Variants in RBM33 observed in about 807,000 individuals in gnomAD.
RBM33 encodes RNA-binding protein 33.
RBM33 carries 28 observed loss-of-function variants against 132.6 expected under a neutral mutation model. That is an observed-to-expected ratio of 0.21 (90% CI 0.16 to 0.29). The LOEUF (loss-of-function observed/expected upper bound fraction) is 0.29. RBM33 is among the 10% of genes least tolerant of loss of function. The probability of loss-of-function intolerance (pLI) is 1.00; values close to 1 mark genes in which losing one functional copy is unlikely to be tolerated. For missense variants in RBM33, 1,291 were observed against 1,518.5 expected, an observed-to-expected ratio of 0.85 and a Z score of 2.49; for synonymous variants, 634 against 593.0, an observed-to-expected ratio of 1.07 and a Z score of -1.01.
At chr7:155,697,213 C>T (rs1799818310) in intron 5 of RBM33, among the ~76,000 whole-genome samples, 1 of 151,906 alleles carries the variant, frequency 6.6e-6, no homozygotes, top group African/African-American at 2.4e-5. Flanking sequence ...GGAGTATCTC[C>T]ATAGATTTGG....
intron 14 of RBM33, among the ~76,000 whole-genome samples, chr7:155,754,865 T>C (rs1801797691): frequency 6.6e-6 from 1 of 152,250 alleles, no homozygotes; most frequent in South Asian, 2.1e-4. Flanking sequence ...GATTTGGTTT[T>C]AATTCTGCCT....
At chr7:155,764,116 G>A in intron 15 of RBM33, 98 bp downstream of exon 15, 1 of 901,936 alleles carries the variant, frequency 1.1e-6, no homozygotes, top group Non-Finnish European at 1.6e-6. Context: ...GCACACAGTA[G>A]TACTCACATT....
chr7:155,764,156 G>C, intron 15 of RBM33, 138 bp downstream of exon 15: 1 of 749,860 alleles, frequency 1.3e-6, no homozygotes, highest in Non-Finnish European at 2.1e-6. Flanking sequence ...CCTTTGTTCT[G>C]GCTTTGAAAA....
chr7:155,686,961 G>A (rs191008080), intron 5 of RBM33, among the ~76,000 whole-genome samples: 2 of 152,286 alleles, frequency 1.3e-5, no homozygotes, highest in Non-Finnish European at 2.9e-5. Context: ...TGTCTTTATA[G>A]CAGCATGATT....
chr7:155,747,678 C>A (rs567558527), intron 14 of RBM33, among the ~76,000 whole-genome samples: 2 of 152,278 alleles, frequency 1.3e-5, no homozygotes, highest in South Asian at 4.2e-4. Flanking sequence ...AGCTGTCAAA[C>A]CAGTACTTTG....
Position 155,774,653 on chromosome 7 carries a change from C to T in RBM33, c.3464+6C>T. On this transcript the variant is annotated splice_donor_region_variant and intron_variant, in intron 17 of 17. Transcript: ENST00000401878. This position sits in a 1 kb window ranked among gnomAD's most constrained non-coding sequence, Gnocchi z 4.2. ...TTTCAGCAGAAATTCCACAGGTGAC[C>T]AGTGTGTTCTGTGCTTGTGGTGATA... 1 of 1,611,628 alleles carries T rather than the reference C, an allele frequency of 6.2e-7. No individual in the cohort carries two copies. The highest frequency in any genetic ancestry group is 8.5e-7 in the Non-Finnish European group (1 of 1,177,764).
intron 3 of RBM33, among the ~76,000 whole-genome samples, chr7:155,673,754 ACGCG>A (rs145463119): frequency 6.5e-5 from 4 of 61,368 alleles, no homozygotes; most frequent in South Asian, 7.4e-4. Context: ...ACGTGTATAT[ACGCG>A]CGCATGCGCG....
At chr7:155,676,734 A>ATG (rs1799194725) in intron 3 of RBM33, among the ~76,000 whole-genome samples, 1 of 152,086 alleles carries the variant, frequency 6.6e-6, no homozygotes, top group South Asian at 2.1e-4. Flanking sequence ...GTTCTTTAGG[A>ATG]TGTGTTGAAA....
chr7:155,767,403 A>G (rs969442328), intron 16 of RBM33, among the ~76,000 whole-genome samples: 6 of 152,254 alleles, frequency 3.9e-5, no homozygotes, highest in African/African-American at 1.4e-4. Context: ...CACTTTGGAA[A>G]TAAGACATTT....
intron 2 of RBM33, among the ~76,000 whole-genome samples, chr7:155,669,802 G>A (rs1412202556): frequency 6.6e-6 from 1 of 152,212 alleles, no homozygotes; most frequent in Non-Finnish European, 1.5e-5. Context: ...GCTGTTGGGG[G>A]AGGGATACTG....
At chr7:155,660,696 A>G (rs932495731) in intron 1 of RBM33, among the ~76,000 whole-genome samples, 11 of 152,010 alleles carry the variant, frequency 7.2e-5, no homozygotes, top group African/African-American at 2.7e-4. Flanking sequence ...AAACATTTTG[A>G]CTACGTTGTG....
intron 14 of RBM33, among the ~76,000 whole-genome samples, chr7:155,754,808 G>T (rs1801795691): frequency 6.6e-6 from 1 of 152,228 alleles, no homozygotes; most frequent in Admixed American, 6.5e-5. Flanking sequence ...CTTTCATGAA[G>T]CTTGGTAGTT....
At chr7:155,655,735 A>G (rs1317225309) in intron 1 of RBM33, among the ~76,000 whole-genome samples, 1 of 151,926 alleles carries the variant, frequency 6.6e-6, no homozygotes, top group East Asian at 1.9e-4. Flanking sequence ...TCTGTTTCGT[A>G]CTGAAGTATA....
intron 5 of RBM33, among the ~76,000 whole-genome samples, chr7:155,688,722 CTGTT>C (rs1251901052): frequency 6.6e-6 from 1 of 152,160 alleles, no homozygotes; most frequent in Non-Finnish European, 1.5e-5. Context: ...TTTTCTGCAT[CTGTT>C]GAGATAATCG....
chr7:155,735,350 G>A (rs183895569), intron 9 of RBM33, among the ~76,000 whole-genome samples: 10 of 152,304 alleles, frequency 6.6e-5, no homozygotes, highest in South Asian at 2.1e-4. Context: ...AGTATGTAAC[G>A]GCGTGTGCTA....
intron 9 of RBM33, among the ~76,000 whole-genome samples, chr7:155,733,633 T>TTAGA (rs996779953): frequency 3.9e-5 from 6 of 152,164 alleles, no homozygotes; most frequent in African/African-American, 9.7e-5. Context: ...AGGTGGCTGC[T>TTAGA]TAGAAAGCAT....
At chr7:155,710,338 G>C (rs541984100) in intron 7 of RBM33, among the ~76,000 whole-genome samples, 1 of 152,300 alleles carries the variant, frequency 6.6e-6, no homozygotes, top group Non-Finnish European at 1.5e-5. Context: ...AAGGAGGTCA[G>C]TAAATAGGAC....
rs1801098636 is a variant in RBM33 at position 155,735,701 on chromosome 7, CTCT to C, written c.1261-1828_1261-1826del. 2.1e-5 allele frequency among the ~76,000 whole-genome samples: 3 copies of C among 145,962 alleles called. No individual in the cohort carries two copies. The South Asian group carries it at 6.4e-4, about 31-fold the overall frequency. On this transcript the variant is annotated intron_variant, in intron 9 of 17. Coordinates refer to ENST00000401878, the MANE Select transcript of RBM33 (RefSeq NM_053043.3). ...ACAGAGCAAGACCCTGTCTCTCTCTCTCTCTCTCTCTCTCTCTGTCTCTCTCTC... is the reference window on the plus strand; with the variant it reads ...ACAGAGCAAGACCCTGTCTCTCTCTCCTCTCTCTCTCTCTGTCTCTCTCTC...
chr7:155,757,135 A>G (rs1233421031), intron 14 of RBM33, among the ~76,000 whole-genome samples: 1 of 143,456 alleles, frequency 7.0e-6, no homozygotes, highest in Non-Finnish European at 1.5e-5. Context: ...AATGTGATCA[A>G]CAGAATCCAA....
Sources: gnomAD v4.1 joint callset for allele counts (sites outside exome capture counted in the v4.1 genomes callset) on GRCh38, gnomAD v4.1.1 for gene constraint, Gnocchi (gnomAD v3.1) non-coding constraint, MANE v1.5 for transcripts, NCBI Gene and HGNC (gene_info 2026-07-23, HGNC 2026-07-21) for gene names.